The following ACOXL variants were observed in gnomAD, a reference collection of about 807,000 sequenced individuals.
The protein encoded by ACOXL is acyl-coenzyme A oxidase-like protein.
A neutral mutation model predicts 71.9 loss-of-function variants in ACOXL; 70 were observed. The ratio of observed to expected loss-of-function variants is 0.97; its 90% CI spans 0.80 to 1.19. The LOEUF (loss-of-function observed/expected upper bound fraction) is 1.19, where lower values mean the gene tolerates loss of function less well. Among genes scored for constraint, ACOXL ranks in the 50% most tolerant of loss-of-function variants. The pLI, the probability that ACOXL is intolerant of heterozygous loss-of-function variation, is 0.00. For missense variants in ACOXL, 703 were observed against 736.3 expected, an observed-to-expected ratio of 0.95 and a Z score of 0.52; for synonymous variants, 253 against 281.6, an observed-to-expected ratio of 0.90 and a Z score of 1.02.
chr2:110,873,787 G>A lies in ACOXL; in HGVS notation c.788+32382G>A, dbSNP rs187290333. Among the ~76,000 whole-genome samples, 80 of 152,336 alleles carry A rather than the reference G, an allele frequency of 5.3e-4. 1 individual carries two copies. Among genetic ancestry groups the A allele is most frequent in the Middle Eastern group, 3.4e-3 (1 of 294 alleles). ...GTATCTGTTCAATTGCGTTTTCTAC[G>A]TCTGTCCAGTAGGGCAGGTTTATAT... On this transcript the variant is annotated intron_variant, in intron 10 of 17. Transcript: ENST00000439055.
intron 7 of ACOXL, among the ~76,000 whole-genome samples, chr2:110,800,126 C>A (rs990671580): frequency 6.6e-6 from 1 of 152,216 alleles, no homozygotes; most frequent in Non-Finnish European, 1.5e-5. Context: ...TTTGTTCTTT[C>A]ACTCTTCACA....
intron 10 of ACOXL, chr2:110,887,798 T>C (rs1419307912): frequency 2.0e-5 from 3 of 152,202 alleles, no homozygotes; most frequent in African/African-American, 7.2e-5. Context: ...GTTGCCTTTC[T>C]AGTTTGAGTA....
At chr2:111,058,956 A>C (rs1330052839) in intron 16 of ACOXL, among the ~76,000 whole-genome samples, 1 of 152,164 alleles carries the variant, frequency 6.6e-6, no homozygotes, top group Non-Finnish European at 1.5e-5. Flanking sequence ...AAATGACAGG[A>C]TGAGCCAGGG....
chr2:110,858,347 C>A (rs1449810930), intron 10 of ACOXL, among the ~76,000 whole-genome samples: 2 of 152,112 alleles, frequency 1.3e-5, no homozygotes, highest in Non-Finnish European at 2.9e-5. Flanking sequence ...ATCCTTCCTA[C>A]TCCCCGAGAC....
intron 12 of ACOXL, among the ~76,000 whole-genome samples, chr2:110,980,105 C>G (rs1360170127): frequency 6.6e-6 from 1 of 152,154 alleles, no homozygotes; most frequent in African/African-American, 2.4e-5. Flanking sequence ...TCTGTTTCAC[C>G]CACATTGAGG....
chr2:110,836,325 G>T (rs1364419855), intron 9 of ACOXL, among the ~76,000 whole-genome samples: 2 of 152,190 alleles, frequency 1.3e-5, no homozygotes, highest in East Asian at 3.9e-4. Flanking sequence ...TCATGTCCTT[G>T]CTGCCAGCAT....
intron 14 of ACOXL, among the ~76,000 whole-genome samples, chr2:111,029,382 C>G (rs777753445): frequency 4.6e-5 from 7 of 152,104 alleles, no homozygotes; most frequent in Non-Finnish European, 1.0e-4. Flanking sequence ...TAATGGTTGC[C>G]AGCAATACTC....
intron 5 of ACOXL, chr2:110,795,961 A>C (rs1573553446): frequency 6.6e-6 from 1 of 151,982 alleles, no homozygotes; most frequent in South Asian, 2.1e-4. Flanking sequence ...GGGGACCTGC[A>C]AAGTTGCAAT....
chr2:111,100,225 G>T (rs1289047447), intron 17 of ACOXL: 1 of 152,634 alleles, frequency 6.6e-6, no homozygotes, highest in Non-Finnish European at 1.5e-5. Flanking sequence ...ACCCTATTCA[G>T]TGTGGTGAAA....
At chr2:110,919,409 G>A (rs151298937) in intron 11 of ACOXL, among the ~76,000 whole-genome samples, 1 of 151,688 alleles carries the variant, frequency 6.6e-6, no homozygotes, top group African/African-American at 2.4e-5. Flanking sequence ...CCTGTTAGGG[G>A]GTGGGGGGGC....
chr2:111,033,582 G>A (rs1263345655), intron 15 of ACOXL, among the ~76,000 whole-genome samples: 1 of 152,078 alleles, frequency 6.6e-6, no homozygotes, highest in African/African-American at 2.4e-5. Context: ...CTACTTCCCT[G>A]GACTATCTCC....
At chr2:111,084,035 T>C (rs1407207475) in intron 16 of ACOXL, among the ~76,000 whole-genome samples, 2 of 150,190 alleles carry the variant, frequency 1.3e-5, no homozygotes, top group Non-Finnish European at 3.0e-5. Flanking sequence ...GAAAAAAAAA[T>C]GTGATTTGGG....
intron 16 of ACOXL, among the ~76,000 whole-genome samples, chr2:111,053,160 A>G (rs999961296): frequency 3.9e-5 from 6 of 152,356 alleles, no homozygotes; most frequent in Non-Finnish European, 8.8e-5. Context: ...CTGCAAAGTC[A>G]TAAGTGAAAA....
intron 1 of ACOXL, among the ~76,000 whole-genome samples, chr2:110,762,059 C>T (rs754789371): frequency 1.3e-5 from 2 of 152,106 alleles, no homozygotes; most frequent in Non-Finnish European, 2.9e-5. Flanking sequence ...GTTATGTCTT[C>T]TTTGTGGATT....
intron 14 of ACOXL, among the ~76,000 whole-genome samples, chr2:111,003,320 C>T (rs769776054): frequency 7.9e-5 from 12 of 151,806 alleles, no homozygotes; most frequent in African/African-American, 1.5e-4. Context: ...GAGGCCAAGG[C>T]GGGTGGATCA....
intron 14 of ACOXL, among the ~76,000 whole-genome samples, chr2:111,024,223 G>A (rs1402376484): frequency 6.6e-6 from 1 of 152,164 alleles, no homozygotes. Flanking sequence ...ATTGAATTCT[G>A]TCCTTGAAAA....
intron 1 of ACOXL, among the ~76,000 whole-genome samples, chr2:110,751,348 G>A (rs1202870377): frequency 6.8e-6 from 1 of 147,314 alleles, no homozygotes; most frequent in Non-Finnish European, 1.5e-5. Context: ...AAAATGGGAA[G>A]ACCTTGACAT....
intron 12 of ACOXL, among the ~76,000 whole-genome samples, chr2:110,982,366 GCTCCTTCTCCTCTCGTCTCTCCCCT>G (rs2062746123): frequency 6.6e-6 from 1 of 151,544 alleles, no homozygotes; most frequent in South Asian, 2.1e-4. Flanking sequence ...TTCTCTCCCC[GCTCCTTCTCCTCTCGTCTCTCCCCT>G]CTCTTCCTCT....
chr2:110,758,908 G>A (rs1018507470), intron 1 of ACOXL, among the ~76,000 whole-genome samples: 2 of 152,118 alleles, frequency 1.3e-5, no homozygotes, highest in African/African-American at 4.8e-5. Context: ...AGAACTTCTT[G>A]ATTTCTGCCT....
Sources: allele counts gnomAD v4.1 joint callset (sites outside exome capture counted in the v4.1 genomes callset), GRCh38; gene constraint gnomAD v4.1.1; transcripts MANE v1.5; gene names NCBI Gene and HGNC (gene_info 2026-07-23, HGNC 2026-07-21).